Variants in NCAM2 observed in about 807,000 individuals in gnomAD.
The protein encoded by NCAM2 is N-CAM-2.
In NCAM2, 30 loss-of-function variants were observed where a neutral mutation model predicts 98.1. The observed-to-expected ratio is 0.31, with a 90% CI of 0.23 to 0.41. The LOEUF (loss-of-function observed/expected upper bound fraction) is 0.41. NCAM2 is among the 10% of genes least tolerant of loss of function. The probability of loss-of-function intolerance (pLI) is 1.00; values close to 1 mark genes in which losing one functional copy is unlikely to be tolerated. For missense variants in NCAM2, 867 were observed against 1,005.8 expected, an observed-to-expected ratio of 0.86 and a Z score of 1.87; for synonymous variants, 368 against 342.4, an observed-to-expected ratio of 1.07 and a Z score of -0.83.
intron 8 of NCAM2, among the ~76,000 whole-genome samples, chr21:21,355,889 G>A (rs1174438934): frequency 3.3e-5 from 5 of 152,050 alleles, no homozygotes; most frequent in East Asian, 3.9e-4. Flanking sequence ...GATCACAGGC[G>A]TGAACCACTG....
At chr21:21,021,061 A>G (rs1246270036) in intron 1 of NCAM2, among the ~76,000 whole-genome samples, 1 of 152,188 alleles carries the variant, frequency 6.6e-6, no homozygotes, top group Non-Finnish European at 1.5e-5. Flanking sequence ...AAAGGAAAAC[A>G]TAGTATGCCA....
At chr21:21,497,658 T>G (rs1157154902) in intron 15 of NCAM2, among the ~76,000 whole-genome samples, 2 of 152,108 alleles carry the variant, frequency 1.3e-5, no homozygotes. Context: ...TTTAAAATCA[T>G]TAGAGAATGG....
At chr21:21,070,106 A>T (rs1392602478) in intron 1 of NCAM2, among the ~76,000 whole-genome samples, 1 of 152,112 alleles carries the variant, frequency 6.6e-6, no homozygotes, top group Non-Finnish European at 1.5e-5. Flanking sequence ...TGGTTCGTGA[A>T]AATTTGGTGA....
At chr21:21,455,471 T>C (rs1428284730) in intron 12 of NCAM2, among the ~76,000 whole-genome samples, 1 of 151,978 alleles carries the variant, frequency 6.6e-6, no homozygotes, top group Non-Finnish European at 1.5e-5. Flanking sequence ...TTTCAGGTTC[T>C]ATGACATGCT....
At chr21:21,391,798 A>G (rs937632007) in intron 9 of NCAM2, among the ~76,000 whole-genome samples, 2 of 107,642 alleles carry the variant, frequency 1.9e-5, no homozygotes, top group Non-Finnish European at 3.7e-5. Context: ...AATTTGAAAC[A>G]TTGCTGGTTA....
In NCAM2 at chr21:21,531,353, C is replaced by A. The variant is rs79928169; in HGVS notation, c.2283-3184C>A. The stretch of plus-strand genomic sequence containing the variant: ...AGTAATATATTTCCAAATGTAAATT[C>A]TCCATGCATGCCACGACAGTGATGC... On this transcript the variant is annotated intron_variant, in intron 16 of 17. Coordinates refer to ENST00000400546, the MANE Select transcript of NCAM2 (RefSeq NM_004540.5). Among the ~76,000 whole-genome samples, 5 of 152,052 alleles carry A rather than the reference C, an allele frequency of 3.3e-5. No individual in the cohort carries two copies. In the East Asian group the frequency reaches 9.6e-4, roughly 29 times the overall value.
At chr21:21,016,660 G>C (rs781482723) in intron 1 of NCAM2, among the ~76,000 whole-genome samples, 4 of 152,076 alleles carry the variant, frequency 2.6e-5, no homozygotes, top group African/African-American at 4.8e-5. Context: ...TTTGTGAACA[G>C]GCTATGTTCT....
At chr21:21,297,499 C>A (rs1256622618) in intron 5 of NCAM2, among the ~76,000 whole-genome samples, 1 of 151,678 alleles carries the variant, frequency 6.6e-6, no homozygotes, top group East Asian at 1.9e-4. Context: ...TATGTGAAAT[C>A]TTTTAAAAAC....
At chr21:21,230,292 T>G (rs2070568802) in intron 1 of NCAM2, among the ~76,000 whole-genome samples, 1 of 151,400 alleles carries the variant, frequency 6.6e-6, no homozygotes, top group Non-Finnish European at 1.5e-5. Flanking sequence ...TTTAAGTTTT[T>G]TAAAAATCAT....
At position 21,292,253 on chromosome 21, in the gene NCAM2, A is replaced by C; in HGVS notation, c.619+12A>C. ...TGTTATTGTTAATGGTAAGCAGTAA[A>C]TAATTTGTACATGTTTTATGGATTC... On this transcript the variant is annotated intron_variant, in intron 5 of 17. Transcript: ENST00000400546. 3.1e-6 allele frequency: 5 copies of C among 1,598,924 alleles called. No homozygotes were observed. Among genetic ancestry groups the C allele is most frequent in the Non-Finnish European group, 4.3e-6 (5 of 1,173,546 alleles).
At chr21:21,205,018 T>A (rs1405084510) in intron 1 of NCAM2, among the ~76,000 whole-genome samples, 1 of 151,764 alleles carries the variant, frequency 6.6e-6, no homozygotes, top group African/African-American at 2.4e-5. Flanking sequence ...TGATGGAAGT[T>A]TCTGCAAAAT....
At chr21:21,245,159 C>G (rs377421821) in intron 1 of NCAM2, among the ~76,000 whole-genome samples, 1 of 152,254 alleles carries the variant, frequency 6.6e-6, no homozygotes, top group East Asian at 1.9e-4. Flanking sequence ...ATGCATTCCT[C>G]CAAGCTTTTG....
intron 17 of NCAM2, 127 bp downstream of exon 17, chr21:21,534,783 T>C: frequency 1.0e-6 from 1 of 953,938 alleles, no homozygotes; most frequent in Admixed American, 4.0e-5. Flanking sequence ...ACTTTTTTGA[T>C]GAAAGTACAT....
At chr21:21,332,904 G>T (rs1602011836) in intron 6 of NCAM2, among the ~76,000 whole-genome samples, 1 of 152,218 alleles carries the variant, frequency 6.6e-6, no homozygotes, top group East Asian at 1.9e-4. Context: ...GTTTAAATTG[G>T]GAGCATATAG....
intron 1 of NCAM2, among the ~76,000 whole-genome samples, chr21:21,214,872 T>C (rs941033720): frequency 1.3e-5 from 2 of 150,738 alleles, no homozygotes; most frequent in African/African-American, 4.9e-5. Flanking sequence ...CTGCCTCAAA[T>C]ACAGCAACAA....
intron 12 of NCAM2, among the ~76,000 whole-genome samples, chr21:21,464,346 G>A (rs1983394967): frequency 6.6e-6 from 1 of 152,036 alleles, no homozygotes; most frequent in African/African-American, 2.4e-5. Context: ...GTGTTCTATT[G>A]CACTCTTTAC....
chr21:21,211,256 G>A (rs543649790), intron 1 of NCAM2, among the ~76,000 whole-genome samples: 1 of 152,240 alleles, frequency 6.6e-6, no homozygotes, highest in African/African-American at 2.4e-5. Context: ...CTTATCAGAA[G>A]CATGTCTGAC....
chr21:21,397,051 A>G (rs1366016045), intron 9 of NCAM2, among the ~76,000 whole-genome samples: 1 of 152,174 alleles, frequency 6.6e-6, no homozygotes. Flanking sequence ...AAGCAGTTTC[A>G]TTGAGCTACA....
At position 21,537,932 on chromosome 21, in the gene NCAM2, CA is replaced by C; in HGVS notation, c.2493del (p.Glu832LysfsTer14). 6.4e-7 allele frequency: 1 copy of C among 1,563,722 alleles called. No individual in the cohort carries two copies. The highest frequency in any genetic ancestry group is 8.7e-7 in the Non-Finnish European group (1 of 1,151,064). ...AAAGTTTCTAACGACATCATTCAAT[CA>C]AAAGAAGACGACAGCAAAGCATAAC... ...EIKVSNDIIQ[S>X]KEDDSKA is the part of the protein sequence containing the mutation. On this transcript the variant is annotated frameshift_variant, in exon 18 of 18. Coordinates refer to ENST00000400546, the MANE Select transcript of NCAM2 (RefSeq NM_004540.5). LOFTEE classifies it high-confidence loss of function.
Sources: gnomAD v4.1 joint callset for allele counts (sites outside exome capture counted in the v4.1 genomes callset) on GRCh38, gnomAD v4.1.1 for gene constraint, MANE v1.5 for transcripts, NCBI Gene and HGNC (gene_info 2026-07-23, HGNC 2026-07-21) for gene names.